The following CADM1 variants were observed in gnomAD, a reference collection of about 807,000 sequenced individuals.
CADM1 encodes the protein cell adhesion molecule 1.
A neutral mutation model predicts 53.1 loss-of-function variants in CADM1; 15 were observed. The observed-to-expected ratio is 0.28, with a 90% CI of 0.19 to 0.44. CADM1 has a LOEUF of 0.44. Among genes scored for constraint, CADM1 ranks in the 20% least tolerant of loss-of-function variants. The pLI is 1.00. For missense variants in CADM1, 434 were observed against 611.3 expected (o/e 0.71, Z 3.06); for synonymous variants, 281 against 243.0 (o/e 1.16, Z -1.45).
chr11:115,337,618 T>C (rs912590557), intron 1 of CADM1, among the ~76,000 whole-genome samples: 3 of 152,166 alleles, frequency 2.0e-5, no homozygotes, highest in Non-Finnish European at 4.4e-5. Context: ...TAACGTTTGA[T>C]ATGCATTTGT....
chr11:115,488,410 T>C (rs1949423751), intron 1 of CADM1, among the ~76,000 whole-genome samples: 1 of 152,180 alleles, frequency 6.6e-6, no homozygotes, highest in Non-Finnish European at 1.5e-5. Flanking sequence ...AAGTTAGAGT[T>C]ATTGAGTAGG....
At chr11:115,239,462 T>G (rs1484805197) in intron 2 of CADM1, among the ~76,000 whole-genome samples, 1 of 152,226 alleles carries the variant, frequency 6.6e-6, no homozygotes, top group Non-Finnish European at 1.5e-5. Context: ...TTAGTTCAAA[T>G]GTTCTCTTTC....
intron 1 of CADM1, among the ~76,000 whole-genome samples, chr11:115,503,914 T>G (rs996868633): frequency 6.6e-6 from 1 of 151,952 alleles, no homozygotes; most frequent in African/African-American, 2.4e-5. Context: ...ACGGCGAGTT[T>G]AGAAGGGTCC....
intron 1 of CADM1, among the ~76,000 whole-genome samples, chr11:115,242,336 G>GAAAA (rs200660668): frequency 1.7e-5 from 1 of 57,612 alleles, no homozygotes; most frequent in African/African-American, 6.2e-5. Flanking sequence ...AAGGTGATCA[G>GAAAA]AAAAAAAAAA....
At chr11:115,328,688 A>G (rs569381403) in intron 1 of CADM1, among the ~76,000 whole-genome samples, 59 of 32,390 alleles carry the variant, frequency 1.8e-3, no homozygotes, top group African/African-American at 0.011. Context: ...GTGTATATAT[A>G]TGTGTATATA....
intron 1 of CADM1, among the ~76,000 whole-genome samples, chr11:115,433,222 T>C (rs1948101232): frequency 6.6e-6 from 1 of 152,174 alleles, no homozygotes; most frequent in Non-Finnish European, 1.5e-5. Context: ...GCCATGCAGA[T>C]AATATTTCAA....
chr11:115,254,812 T>G (rs541611282), intron 1 of CADM1, among the ~76,000 whole-genome samples: 1 of 152,304 alleles, frequency 6.6e-6, no homozygotes, highest in African/African-American at 2.4e-5. Flanking sequence ...GAAAGGTCAT[T>G]AGGTCCAGAT....
At chr11:115,252,139 G>A (rs1439402388) in intron 1 of CADM1, among the ~76,000 whole-genome samples, 3 of 152,206 alleles carry the variant, frequency 2.0e-5, no homozygotes, top group Non-Finnish European at 2.9e-5. Flanking sequence ...AGGAATTTTT[G>A]TTGTAGTTCT....
intron 1 of CADM1, among the ~76,000 whole-genome samples, chr11:115,460,433 C>A (rs530976204): frequency 5.4e-4 from 82 of 152,272 alleles, no homozygotes; most frequent in African/African-American, 1.9e-3. Flanking sequence ...ACTAGCTTGA[C>A]AAAATCCTCT....
In CADM1 at chr11:115,231,987, A is replaced by G. The variant is rs894477034; in HGVS notation, c.425-497T>C. On this transcript the variant is annotated intron_variant, in intron 3 of 11. Coordinates refer to ENST00000331581, the MANE Select transcript of CADM1 (RefSeq NM_001301043.2). ...GGCAACAAGAGCGAAACTCCGTCTC[A>G]ATAATAATAATAATAATAATAATAA... is the stretch of plus-strand genomic sequence containing the variant. Among the ~76,000 whole-genome samples the G allele has an allele frequency of 9.0e-5, 9 of 100,094 alleles. No homozygotes were observed. The East Asian group carries it at 2.0e-3, about 22-fold the overall frequency. 65.7% of individuals were successfully genotyped at this position (100,094 alleles called of 152,430 possible). A position where few individuals can be genotyped will look rare whatever the true frequency, so the allele number is the denominator to read the frequency against.
intron 1 of CADM1, among the ~76,000 whole-genome samples, chr11:115,421,147 T>TCAGA (rs1299980870): frequency 6.6e-6 from 1 of 152,182 alleles, no homozygotes; most frequent in Non-Finnish European, 1.5e-5. Context: ...GCACCAGCTT[T>TCAGA]CAGAACAAAG....
intron 1 of CADM1, among the ~76,000 whole-genome samples, chr11:115,268,616 C>T (rs1943210741): frequency 6.6e-6 from 1 of 152,226 alleles, no homozygotes; most frequent in Non-Finnish European, 1.5e-5. Context: ...GTAACCAGAG[C>T]AGGGCCCAGC....
At chr11:115,220,758 C>T (rs1201080621) in intron 5 of CADM1, among the ~76,000 whole-genome samples, 1 of 152,158 alleles carries the variant, frequency 6.6e-6, no homozygotes, top group African/African-American at 2.4e-5. Flanking sequence ...AATTCTGTTC[C>T]CCTTCCTTTG....
chr11:115,394,129 C>T (rs1054384514), intron 1 of CADM1, among the ~76,000 whole-genome samples: 2 of 152,102 alleles, frequency 1.3e-5, no homozygotes, highest in African/African-American at 4.8e-5. Context: ...TTAACATCTG[C>T]ACATGCTCAT....
At chr11:115,363,368 A>T (rs1439694978) in intron 1 of CADM1, among the ~76,000 whole-genome samples, 3 of 152,160 alleles carry the variant, frequency 2.0e-5, no homozygotes, top group Non-Finnish European at 4.4e-5. Flanking sequence ...ACCAAGGTTG[A>T]TTAGGGGTGC....
chr11:115,181,509 A>C (rs74505403), intron 10 of CADM1, among the ~76,000 whole-genome samples: 144 of 152,298 alleles, frequency 9.5e-4, no homozygotes, highest in Middle Eastern at 3.4e-3. Context: ...CCACCAGTTA[A>C]TCACCAAGAC....
At chr11:115,419,722 T>G (rs1034563871) in intron 1 of CADM1, among the ~76,000 whole-genome samples, 1 of 152,172 alleles carries the variant, frequency 6.6e-6, no homozygotes. Context: ...TTAGTTAAAC[T>G]GGGTGAACAC....
chr11:115,460,807 C>T (rs540171815), intron 1 of CADM1, among the ~76,000 whole-genome samples: 2 of 152,134 alleles, frequency 1.3e-5, no homozygotes, highest in South Asian at 4.2e-4. Flanking sequence ...CAAGGAAGCA[C>T]TTATATCAAC....
intron 1 of CADM1, among the ~76,000 whole-genome samples, chr11:115,443,156 T>G (rs1268791805): frequency 6.6e-6 from 1 of 152,122 alleles, no homozygotes; most frequent in African/African-American, 2.4e-5. Flanking sequence ...TCCTGTGAAT[T>G]ACTAATTAGG....
Sources: gnomAD v4.1 joint callset for allele counts (sites outside exome capture counted in the v4.1 genomes callset) on GRCh38, gnomAD v4.1.1 for gene constraint, MANE v1.5 for transcripts, NCBI Gene and HGNC (gene_info 2026-07-23, HGNC 2026-07-21) for gene names.